Variants in VAC14 observed in about 807,000 individuals in gnomAD.
VAC14 encodes protein VAC14 homolog.
Under a neutral mutation model 85.3 loss-of-function variants are expected in VAC14, and 47 were observed. That is an observed-to-expected ratio of 0.55 (90% CI 0.44 to 0.70). VAC14 has a LOEUF of 0.70. VAC14 is among the 30% of genes least tolerant of loss of function. The pLI, the probability that VAC14 is intolerant of heterozygous loss-of-function variation, is 0.00. For synonymous variants in VAC14, 447 were observed against 430.5 expected (o/e 1.04, Z -0.47); for missense variants, 861 against 1,004.3 (o/e 0.86, Z 1.93).
chr16:70,693,492 G>A (rs1339326103), intron 17 of VAC14, among the ~76,000 whole-genome samples: 4 of 152,236 alleles, frequency 2.6e-5, no homozygotes, highest in Non-Finnish European at 5.9e-5. Context: ...GCCTTTGTGT[G>A]TAGCGAGACA....
chr16:70,800,153 C>T (rs1448181637), intron 1 of VAC14, among the ~76,000 whole-genome samples: 1 of 152,114 alleles, frequency 6.6e-6, no homozygotes, highest in Non-Finnish European at 1.5e-5. Flanking sequence ...AAAACATCCC[C>T]AGTTAAACTT....
chr16:70,735,472 C>A (rs1404504785), intron 13 of VAC14, among the ~76,000 whole-genome samples: 1 of 152,170 alleles, frequency 6.6e-6, no homozygotes, highest in African/African-American at 2.4e-5. Context: ...TTGATGCCAG[C>A]GGGCAGGAAG....
chr16:70,796,907 T>C (rs1487569347), intron 1 of VAC14, among the ~76,000 whole-genome samples: 2 of 152,096 alleles, frequency 1.3e-5, no homozygotes, highest in South Asian at 2.1e-4. Context: ...GTGGGGCCCT[T>C]GATTCCATAG....
chr16:70,759,489 G>A (rs747155334), intron 12 of VAC14, among the ~76,000 whole-genome samples: 9 of 152,128 alleles, frequency 5.9e-5, no homozygotes, highest in Non-Finnish European at 1.3e-4. Flanking sequence ...TTAGTCAGGT[G>A]TGGTGGTACA....
chr16:70,767,573 A>G (rs1367010835), intron 10 of VAC14, among the ~76,000 whole-genome samples: 1 of 152,158 alleles, frequency 6.6e-6, no homozygotes, highest in African/African-American at 2.4e-5. Context: ...TTCATACAAC[A>G]CCTGTTTGAG....
chr16:70,698,292 G>A (rs985942932), intron 15 of VAC14, among the ~76,000 whole-genome samples: 1 of 152,192 alleles, frequency 6.6e-6, no homozygotes, highest in African/African-American at 2.4e-5. Context: ...CACCATGCAG[G>A]GTGGGCCCAC....
intron 9 of VAC14, 147 bp downstream of exon 9, chr16:70,780,643 C>T: frequency 9.9e-7 from 1 of 1,010,524 alleles, no homozygotes; most frequent in South Asian, 1.7e-5. Context: ...CCACTGCTGC[C>T]ACTGCGCTGG....
intron 12 of VAC14, chr16:70,755,890 G>C (rs1034789315): frequency 7.5e-6 from 3 of 398,540 alleles, no homozygotes; most frequent in Middle Eastern, 8.1e-4. Flanking sequence ...CAGCCACCTG[G>C]GAACCTAGGG....
intron 12 of VAC14, among the ~76,000 whole-genome samples, chr16:70,756,770 C>T (rs574223749): frequency 8.1e-4 from 124 of 152,266 alleles, no homozygotes; most frequent in Non-Finnish European, 1.4e-3. Context: ...GTGTACCTTA[C>T]GAAACTTACA....
intron 1 of VAC14, among the ~76,000 whole-genome samples, chr16:70,797,884 T>C (rs12926985): frequency 0.1 from 15,284 of 152,202 alleles, 802 homozygotes; most frequent in Middle Eastern, 0.2. Flanking sequence ...TTGCCCTCCA[T>C]CATGATTGGA....
chr16:70,793,299 A>G (rs2034414771), intron 1 of VAC14, among the ~76,000 whole-genome samples: 1 of 152,164 alleles, frequency 6.6e-6, no homozygotes, highest in Non-Finnish European at 1.5e-5. Context: ...AGTACTTACT[A>G]TTTGCCAGGC....
At chr16:70,716,488 C>T (rs2054169649) in intron 14 of VAC14, 1 of 152,320 alleles carries the variant, frequency 6.6e-6, no homozygotes, top group South Asian at 2.1e-4. Flanking sequence ...TGGCCTGGCC[C>T]AGGCCCTCCT....
chr16:70,772,388 A>C (rs1451051133), intron 9 of VAC14: 1 of 543,414 alleles, frequency 1.8e-6, no homozygotes, highest in Non-Finnish European at 3.3e-6. Flanking sequence ...CAGTGATCTC[A>C]CAAGGAGGGG....
At chr16:70,785,475 T>G (rs2034005945) in intron 3 of VAC14, among the ~76,000 whole-genome samples, 1 of 152,242 alleles carries the variant, frequency 6.6e-6, no homozygotes, top group Non-Finnish European at 1.5e-5. Context: ...TATGGCAGAC[T>G]GATACTTATA....
At chr16:70,771,982 G>A (rs1026493889) in intron 10 of VAC14, 127 bp downstream of exon 10, 23 of 798,754 alleles carry the variant, frequency 2.9e-5, no homozygotes, top group South Asian at 4.8e-5. Context: ...TTTTGTGTAC[G>A]AGGGTGTCCC....
intron 10 of VAC14, among the ~76,000 whole-genome samples, chr16:70,764,669 C>T (rs889687853): frequency 1.3e-5 from 2 of 152,182 alleles, no homozygotes; most frequent in African/African-American, 4.8e-5. Context: ...AACATGTAAT[C>T]AATATAACAG....
intron 14 of VAC14, among the ~76,000 whole-genome samples, chr16:70,729,130 C>G (rs1201523504): frequency 1.3e-5 from 2 of 152,184 alleles, no homozygotes; most frequent in Admixed American, 1.3e-4. Context: ...CAGACGGTCC[C>G]AACTGGGTGA....
chr16:70,783,266 G>A lies in VAC14; in HGVS notation c.705-127C>T. 3.6e-6 allele frequency: 4 copies of A among 1,114,550 alleles called. No individual in the cohort carries two copies. In the South Asian group the frequency reaches 5.8e-5, roughly 16 times the overall value. The allele number at this position is 1,114,550 out of a possible 1,614,324, so 69.0% of individuals were successfully genotyped here. A position where few individuals can be genotyped will look rare whatever the true frequency, so the allele number is the denominator to read the frequency against. On this transcript the variant is annotated intron_variant, in intron 6 of 18. Transcript: ENST00000261776. ...GGCTTGGCTTTTGGACTTGTCAGGTGATCATTTTCAGATGCTGGGGGTTGA... is the reference window on the plus strand; with the variant it reads ...GGCTTGGCTTTTGGACTTGTCAGGTAATCATTTTCAGATGCTGGGGGTTGA...
In VAC14 at chr16:70,762,096, G is replaced by A. The variant is rs2032435667; in HGVS notation, c.1371+444C>T. On this transcript the variant is annotated intron_variant, in intron 12 of 18. Transcript: ENST00000261776. This position sits in a 1 kb window ranked among gnomAD's most constrained non-coding sequence, Gnocchi z 4.1. ...CTACAGAAGAGTCCTCACTCCTAAA[G>A]TGAGTTTTTTTTTTTGTTTTTGTTT... 1.5e-5 allele frequency among the ~76,000 whole-genome samples: 2 copies of A among 137,788 alleles called. No individual in the cohort carries two copies. The highest frequency in any genetic ancestry group is 6.8e-5 in the Admixed American group (1 of 14,724). The allele number at this position is 137,788 out of a possible 152,430, so 90.4% of individuals were successfully genotyped here.
Sources: allele counts gnomAD v4.1 joint callset (sites outside exome capture counted in the v4.1 genomes callset), GRCh38; gene constraint gnomAD v4.1.1; non-coding constraint Gnocchi (gnomAD v3.1); transcripts MANE v1.5; gene names NCBI Gene and HGNC (gene_info 2026-07-23, HGNC 2026-07-21).